Variants in ERBB4 observed in about 807,000 individuals in gnomAD.
ERBB4 encodes receptor tyrosine-protein kinase erbB-4.
In ERBB4, 42 loss-of-function variants were observed where a neutral mutation model predicts 158.0. The observed-to-expected ratio is 0.27, with a 90% CI of 0.21 to 0.34. The LOEUF is 0.34. Ranked by LOEUF, ERBB4 falls within the 10% of genes least tolerant of loss-of-function variation. ERBB4 has a pLI of 1.00. For missense variants in ERBB4, 1,333 were observed against 1,624.1 expected, an observed-to-expected ratio of 0.82 and a Z score of 3.08; for synonymous variants, 583 against 558.7, an observed-to-expected ratio of 1.04 and a Z score of -0.61.
intron 1 of ERBB4, among the ~76,000 whole-genome samples, chr2:212,226,376 C>T (rs1405806250): frequency 6.6e-6 from 1 of 150,708 alleles, no homozygotes. Flanking sequence ...TATACCTGTA[C>T]CTCTAACCCA....
chr2:212,436,926 A>C (rs927865764), intron 1 of ERBB4, among the ~76,000 whole-genome samples: 1 of 152,038 alleles, frequency 6.6e-6, no homozygotes, highest in Non-Finnish European at 1.5e-5. Flanking sequence ...GAGGTTATAA[A>C]TGGAAGCACT....
At chr2:211,395,277 T>G (rs2062887239) in intron 25 of ERBB4, among the ~76,000 whole-genome samples, 1 of 152,116 alleles carries the variant, frequency 6.6e-6, no homozygotes, top group African/African-American at 2.4e-5. Context: ...TACAATTTTT[T>G]GAAATAAAGT....
chr2:212,469,782 A>G (rs534852643), intron 1 of ERBB4, among the ~76,000 whole-genome samples: 432 of 152,210 alleles, frequency 2.8e-3, no homozygotes, highest in Non-Finnish European at 4.6e-3. Context: ...GTGATCATGC[A>G]TACTTAATCT....
At chr2:212,315,388 T>C (rs547347150) in intron 1 of ERBB4, among the ~76,000 whole-genome samples, 1 of 151,480 alleles carries the variant, frequency 6.6e-6, no homozygotes, top group East Asian at 2.0e-4. Context: ...AAGATACACA[T>C]AGACACACAT....
At chr2:211,821,819 C>T (rs2077002175) in intron 3 of ERBB4, among the ~76,000 whole-genome samples, 2 of 151,894 alleles carry the variant, frequency 1.3e-5, no homozygotes, top group Non-Finnish European at 2.9e-5. Context: ...GAAAATTAAA[C>T]TAGATCCCTA....
At chr2:211,495,778 T>C (rs2065453749) in intron 20 of ERBB4, among the ~76,000 whole-genome samples, 1 of 152,052 alleles carries the variant, frequency 6.6e-6, no homozygotes, top group Non-Finnish European at 1.5e-5. Context: ...ATGAACTAAC[T>C]TGTAAATAAT....
At chr2:211,562,801 T>C (rs1048745242) in intron 19 of ERBB4, among the ~76,000 whole-genome samples, 1 of 140,388 alleles carries the variant, frequency 7.1e-6, no homozygotes, top group Non-Finnish European at 1.5e-5. Context: ...AGACGGAGTC[T>C]CGCTCTGTCG....
intron 1 of ERBB4, among the ~76,000 whole-genome samples, chr2:212,340,313 A>G (rs1281210265): frequency 6.6e-6 from 1 of 152,078 alleles, no homozygotes; most frequent in Non-Finnish European, 1.5e-5. Flanking sequence ...GTGGAAGACA[A>G]TTTTTCCACA....
intron 19 of ERBB4, among the ~76,000 whole-genome samples, chr2:211,609,817 C>A (rs2069124746): frequency 6.6e-6 from 1 of 152,328 alleles, no homozygotes; most frequent in South Asian, 2.1e-4. Flanking sequence ...TGACAAAGTT[C>A]CTGTCCATGA....
At chr2:211,408,915 C>G (rs933624531) in intron 25 of ERBB4, among the ~76,000 whole-genome samples, 2 of 152,156 alleles carry the variant, frequency 1.3e-5, no homozygotes, top group African/African-American at 4.8e-5. Context: ...AAGTGATTCA[C>G]TGATTTGAAT....
In ERBB4 at chr2:211,774,013, A is replaced by G. The variant is rs2075808276; in HGVS notation, c.556+14012T>C. Among the ~76,000 whole-genome samples, 3 of 151,750 alleles carry G rather than the reference A, an allele frequency of 2.0e-5. No homozygotes were observed. In the South Asian group the frequency reaches 6.3e-4, roughly 32 times the overall value. On this transcript the variant is annotated intron_variant, in intron 4 of 27. Transcript: ENST00000342788. ...ATCAAATTACTGGGTCAGTGTGTAA[A>G]ATCTCACTTGGACTAGTACGGTCTT...
At chr2:212,418,141 A>G (rs1261444848) in intron 1 of ERBB4, among the ~76,000 whole-genome samples, 1 of 151,972 alleles carries the variant, frequency 6.6e-6, no homozygotes, top group Non-Finnish European at 1.5e-5. Flanking sequence ...ATTGTTAGCC[A>G]TTCGGTCTAT....
chr2:212,115,670 T>C (rs1195401387), intron 2 of ERBB4, among the ~76,000 whole-genome samples: 1 of 152,152 alleles, frequency 6.6e-6, no homozygotes, highest in Non-Finnish European at 1.5e-5. Flanking sequence ...GTTATTTGTT[T>C]ATTTTGTTTC....
At chr2:211,609,927 G>A (rs2069129372) in intron 19 of ERBB4, among the ~76,000 whole-genome samples, 1 of 152,140 alleles carries the variant, frequency 6.6e-6, no homozygotes, top group African/African-American at 2.4e-5. Context: ...ACCTCTGACT[G>A]ATAACAACAG....
At chr2:212,413,504 T>C (rs914688968) in intron 1 of ERBB4, among the ~76,000 whole-genome samples, 4 of 152,184 alleles carry the variant, frequency 2.6e-5, no homozygotes, top group Admixed American at 2.0e-4. Context: ...AATTTAATTA[T>C]GGTGATCATA....
At chr2:211,459,559 C>G (rs2064474490) in intron 20 of ERBB4, among the ~76,000 whole-genome samples, 1 of 152,124 alleles carries the variant, frequency 6.6e-6, no homozygotes. Flanking sequence ...AGGTTTCCCC[C>G]ATATTGCTCA....
intron 20 of ERBB4, among the ~76,000 whole-genome samples, chr2:211,489,558 T>G (rs938089373): frequency 2.0e-5 from 3 of 152,026 alleles, no homozygotes; most frequent in Non-Finnish European, 4.4e-5. Flanking sequence ...CATTTTCTGT[T>G]TAGTAGCCAT....
intron 16 of ERBB4, among the ~76,000 whole-genome samples, chr2:211,645,665 T>TG (rs1381628350): frequency 6.6e-6 from 1 of 151,652 alleles, no homozygotes; most frequent in Non-Finnish European, 1.5e-5. Flanking sequence ...CAACTTTTGG[T>TG]GAAAAACTTG....
At chr2:212,504,776 T>C (rs1194277937) in intron 1 of ERBB4, among the ~76,000 whole-genome samples, 1 of 152,216 alleles carries the variant, frequency 6.6e-6, no homozygotes, top group Non-Finnish European at 1.5e-5. Flanking sequence ...TTATCTGAGC[T>C]ATTTCTGAGT....
Sources: allele counts gnomAD v4.1 joint callset (sites outside exome capture counted in the v4.1 genomes callset), GRCh38; gene constraint gnomAD v4.1.1; transcripts MANE v1.5; gene names NCBI Gene and HGNC (gene_info 2026-07-23, HGNC 2026-07-21).